CAMK1D: variants seen among roughly 807,000 people sequenced by gnomAD.
CAMK1D encodes the protein calcium/calmodulin-dependent protein kinase type 1D.
Under a neutral mutation model 47.7 loss-of-function variants are expected in CAMK1D, and 9 were observed. The observed-to-expected ratio is 0.19, with a 90% confidence interval of 0.11 to 0.33. The LOEUF (loss-of-function observed/expected upper bound fraction) is 0.33, where lower values mean the gene tolerates loss of function less well. Among genes scored for constraint, CAMK1D ranks in the 10% least tolerant of loss-of-function variants. CAMK1D has a pLI of 1.00. For synonymous variants in CAMK1D, 184 were observed against 184.9 expected (o/e 0.99, Z 0.04); for missense variants, 291 against 488.7 (o/e 0.60, Z 3.81).
chr10:12,542,715 A>C lies in CAMK1D; in HGVS notation c.93-10510A>C, dbSNP rs1377616048. On this transcript the variant is annotated intron_variant, in intron 1 of 10. Coordinates refer to ENST00000619168, the MANE Select transcript of CAMK1D (RefSeq NM_153498.4). ...GATTAAATTGCTCTTGTATGAGAAA[A>C]GAATTTATTTTAAATTGATGTGCAC... Among the ~76,000 whole-genome samples the C allele has an allele frequency of 5.3e-5, 8 of 152,320 alleles. 1 individual carries two copies. In the East Asian group the frequency reaches 1.5e-3, roughly 29 times the overall value.
At chr10:12,740,454 C>T (rs929093514) in intron 3 of CAMK1D, among the ~76,000 whole-genome samples, 2 of 152,100 alleles carry the variant, frequency 1.3e-5, no homozygotes, top group African/African-American at 4.8e-5. Context: ...AAAAATCAGC[C>T]AGACGTGGTG....
chr10:12,688,365 A>T (rs565478112), intron 3 of CAMK1D, among the ~76,000 whole-genome samples: 26 of 152,352 alleles, frequency 1.7e-4, no homozygotes, highest in Admixed American at 4.6e-4. Flanking sequence ...CAAAAAACTA[A>T]ATCATTTATT....
chr10:12,598,560 G>C (rs1838210565), intron 2 of CAMK1D, among the ~76,000 whole-genome samples: 1 of 152,164 alleles, frequency 6.6e-6, no homozygotes, highest in Non-Finnish European at 1.5e-5. Flanking sequence ...GCAGATTCAG[G>C]ACACCCCACT....
At chr10:12,662,480 G>C (rs1840301354) in intron 2 of CAMK1D, among the ~76,000 whole-genome samples, 1 of 152,114 alleles carries the variant, frequency 6.6e-6, no homozygotes, top group Non-Finnish European at 1.5e-5. Flanking sequence ...GTGAAACCCT[G>C]TCTCTACTAA....
intron 3 of CAMK1D, among the ~76,000 whole-genome samples, chr10:12,677,848 A>G (rs1840863676): frequency 6.6e-6 from 1 of 152,112 alleles, no homozygotes; most frequent in African/African-American, 2.4e-5. Flanking sequence ...GGTCAGTGGT[A>G]ATGTGACATC....
At chr10:12,461,420 G>A (rs1421947210) in intron 1 of CAMK1D, among the ~76,000 whole-genome samples, 1 of 152,198 alleles carries the variant, frequency 6.6e-6, no homozygotes, top group African/African-American at 2.4e-5. Context: ...GCCGGGCGCA[G>A]TGGCTCACGC....
intron 2 of CAMK1D, among the ~76,000 whole-genome samples, chr10:12,647,659 G>A (rs2132502193): frequency 1.3e-5 from 2 of 152,292 alleles, no homozygotes; most frequent in South Asian, 4.1e-4. Flanking sequence ...CTGGGTAAGA[G>A]GAACCCCTGC....
rs985082657 is a variant in CAMK1D, at chr10:12,426,915, A to G, written c.92+77005A>G. On this transcript the variant is annotated intron_variant, in intron 1 of 10. Coordinates refer to ENST00000619168, the MANE Select transcript of CAMK1D (RefSeq NM_153498.4). ...ATTTTAGTAGAGACAGGCTGTCACC[A>G]TGTTGGCCAGGTTGGTCTTGATCTC... 1.6e-4 allele frequency among the ~76,000 whole-genome samples: 24 copies of G among 152,010 alleles called. 1 individual carries two copies. Among genetic ancestry groups the G allele is most frequent in the Middle Eastern group, 6.8e-3 (2 of 294 alleles).
intron 6 of CAMK1D, among the ~76,000 whole-genome samples, chr10:12,801,346 T>TA (rs1174315314): frequency 1.4e-3 from 123 of 87,536 alleles, no homozygotes; most frequent in African/African-American, 6.2e-3. Flanking sequence ...TCTATCTATC[T>TA]ATCTATCTTA....
Position 12,754,564 on chromosome 10 carries a change from G to C in CAMK1D, c.300-6384G>C, listed in dbSNP as rs186946237. Reference sequence around the variant, plus strand: ...GTATGGAAGATCCTTTATGTTGCCCGGTGTATTTGTTTGGGCTAATGTAAC... The same window carrying C: ...GTATGGAAGATCCTTTATGTTGCCCCGTGTATTTGTTTGGGCTAATGTAAC... On this transcript the variant is annotated intron_variant, in intron 3 of 10. Transcript: ENST00000619168. 4.9e-4 allele frequency among the ~76,000 whole-genome samples: 75 copies of C among 152,284 alleles called. 1 individual carries two copies. Among genetic ancestry groups the C allele is most frequent in the African/African-American group, 1.5e-3 (64 of 41,560 alleles).
At chr10:12,415,537 T>C (rs1224144136) in intron 1 of CAMK1D, among the ~76,000 whole-genome samples, 1 of 147,086 alleles carries the variant, frequency 6.8e-6, no homozygotes, top group Admixed American at 6.9e-5. Context: ...TGACCTCAGG[T>C]GATCCACCTG....
intron 1 of CAMK1D, among the ~76,000 whole-genome samples, chr10:12,409,111 C>G (rs1004127061): frequency 8.5e-5 from 13 of 152,240 alleles, no homozygotes; most frequent in Non-Finnish European, 1.9e-4. Context: ...CCTGCCTCAA[C>G]CTCCCAAAGT....
chr10:12,793,750 G>T (rs186461404), intron 6 of CAMK1D, among the ~76,000 whole-genome samples: 14 of 152,344 alleles, frequency 9.2e-5, no homozygotes, highest in African/African-American at 2.9e-4. Flanking sequence ...AAGTGGAGCA[G>T]TTGACAGTGG....
intron 6 of CAMK1D, 119 bp downstream of exon 6, chr10:12,791,352 C>A: frequency 1.2e-6 from 1 of 802,276 alleles, no homozygotes; most frequent in Non-Finnish European, 2.1e-6. Context: ...AGTTCAGGGC[C>A]ATGTTTAAGG....
At chr10:12,471,868 C>T (rs1286675318) in intron 1 of CAMK1D, among the ~76,000 whole-genome samples, 1 of 151,202 alleles carries the variant, frequency 6.6e-6, no homozygotes, top group Non-Finnish European at 1.5e-5. Flanking sequence ...TCTCTCTCTA[C>T]AAAAAAATAC....
intron 1 of CAMK1D, among the ~76,000 whole-genome samples, chr10:12,414,935 G>A (rs1839791300): frequency 6.6e-6 from 1 of 152,046 alleles, no homozygotes; most frequent in East Asian, 1.9e-4. Context: ...TTTTCAAAAG[G>A]TTCCATTTAA....
chr10:12,647,412 G>A (rs1237806703), intron 2 of CAMK1D, among the ~76,000 whole-genome samples: 1 of 151,996 alleles, frequency 6.6e-6, no homozygotes, highest in African/African-American at 2.4e-5. Flanking sequence ...GCCTCCCAAA[G>A]TGCTAGGATT....
intron 2 of CAMK1D, among the ~76,000 whole-genome samples, chr10:12,656,400 G>C (rs1840115821): frequency 6.6e-6 from 1 of 152,182 alleles, no homozygotes; most frequent in Admixed American, 6.5e-5. Context: ...ACTGAGGTGG[G>C]AGGATCACTT....
intron 1 of CAMK1D, among the ~76,000 whole-genome samples, chr10:12,443,585 T>G (rs983496159): frequency 2.0e-5 from 3 of 152,184 alleles, no homozygotes; most frequent in Non-Finnish European, 4.4e-5. Context: ...AGAATGGCTA[T>G]TCCATAGAGC....
Sources: gnomAD v4.1 joint callset for allele counts (sites outside exome capture counted in the v4.1 genomes callset) on GRCh38, gnomAD v4.1.1 for gene constraint, MANE v1.5 for transcripts, NCBI Gene and HGNC (gene_info 2026-07-23, HGNC 2026-07-21) for gene names.